Variants in ZBTB16 observed in about 807,000 individuals in gnomAD.
The protein encoded by ZBTB16 is zinc finger and BTB domain-containing protein 16.
A neutral mutation model predicts 56.8 loss-of-function variants in ZBTB16; 8 were observed. The ratio of observed to expected loss-of-function variants is 0.14; its 90% CI spans 0.08 to 0.25. ZBTB16 has a LOEUF of 0.25. ZBTB16 is among the 10% of genes least tolerant of loss of function. The probability of loss-of-function intolerance (pLI) is 1.00; values close to 1 mark genes in which losing one functional copy is unlikely to be tolerated. For missense variants in ZBTB16, 625 were observed against 903.0 expected (o/e 0.69, Z 3.95); for synonymous variants, 363 against 368.5 (o/e 0.98, Z 0.17).
In ZBTB16 at chr11:114,127,483, C is replaced by T. The variant is rs116347147; in HGVS notation, c.1269-28854C>T. 1.6e-3 allele frequency among the ~76,000 whole-genome samples: 245 copies of T among 152,304 alleles called. 1 individual carries two copies. The highest frequency in any genetic ancestry group is 5.5e-3 in the African/African-American group (230 of 41,564). On this transcript the variant is annotated intron_variant, in intron 2 of 6. Transcript: ENST00000335953. ...GTAATGGTCTGATGTCCCTCACACT[C>T]CCCACCCCAGTACACACACACACAT... is the stretch of plus-strand genomic sequence containing the variant.
intron 4 of ZBTB16, among the ~76,000 whole-genome samples, chr11:114,191,066 C>A (rs1040802450): frequency 2.6e-5 from 4 of 152,074 alleles, no homozygotes; most frequent in African/African-American, 9.7e-5. Context: ...TTTAAATGAC[C>A]AGTTATCTAA....
At chr11:114,159,694 C>G (rs1457532363) in intron 3 of ZBTB16, among the ~76,000 whole-genome samples, 1 of 152,038 alleles carries the variant, frequency 6.6e-6, no homozygotes, top group African/African-American at 2.4e-5. Flanking sequence ...CTTACAGATT[C>G]CAGTAGTGGT....
At chr11:114,123,525 G>A (rs2137809262) in intron 2 of ZBTB16, among the ~76,000 whole-genome samples, 1 of 152,160 alleles carries the variant, frequency 6.6e-6, no homozygotes, top group Non-Finnish European at 1.5e-5. Flanking sequence ...ATGTATGTAT[G>A]CACATGTCTG....
intron 4 of ZBTB16, among the ~76,000 whole-genome samples, chr11:114,236,484 G>A (rs1278331009): frequency 6.6e-6 from 1 of 152,132 alleles, no homozygotes; most frequent in African/African-American, 2.4e-5. Context: ...GCTCAGACAT[G>A]GAGTGACAAC....
intron 4 of ZBTB16, among the ~76,000 whole-genome samples, chr11:114,217,132 A>C (rs1395424921): frequency 6.6e-6 from 1 of 152,220 alleles, no homozygotes; most frequent in Admixed American, 6.5e-5. Context: ...CTGTGGCCTG[A>C]GTAGCTCAGC....
chr11:114,092,244 C>T (rs572479270), intron 2 of ZBTB16, among the ~76,000 whole-genome samples: 11 of 152,284 alleles, frequency 7.2e-5, no homozygotes, highest in African/African-American at 2.2e-4. Context: ...TGGGGGCACC[C>T]GGAGCACTGA....
chr11:114,082,446 C>T (rs940795019), intron 2 of ZBTB16, among the ~76,000 whole-genome samples: 88 of 152,206 alleles, frequency 5.8e-4, no homozygotes, highest in African/African-American at 2.0e-3. Flanking sequence ...AATATAACTG[C>T]TGTTTGTTTT....
At position 114,063,189 on chromosome 11, in the gene ZBTB16, C is replaced by A; in HGVS notation, c.-90-22C>A. On this transcript the variant is annotated intron_variant, in intron 1 of 6. Coordinates refer to ENST00000335953, the MANE Select transcript of ZBTB16 (RefSeq NM_006006.6). This position sits in a 1 kb window ranked among gnomAD's most constrained non-coding sequence, Gnocchi z 6.5. ...TTTTGTTCTCTCATCTCTTTTGCTT[C>A]TTCCCCTCTTCTTTCTCCTAGCCTC... The A allele has an allele frequency of 2.5e-6, 3 of 1,218,028 alleles. No homozygotes were observed. The highest frequency in any genetic ancestry group is 2.6e-5 in the South Asian group (2 of 76,952). 75.5% of individuals were successfully genotyped at this position (1,218,028 alleles called of 1,614,324 possible).
At position 114,252,219 on chromosome 11, in the gene ZBTB16, G is replaced by C. The variant is rs141605916; in HGVS notation, c.*1664G>C. The stretch of plus-strand genomic sequence containing the variant: ...ATGAAGTCACCTGTGGCCACCATCC[G>C]TTCCGCCTAAAACACTCTGGAGAGA... On this transcript the variant is annotated 3_prime_UTR_variant, in exon 7 of 7. Transcript: ENST00000335953. Among the ~76,000 whole-genome samples, 1 of 152,088 alleles carries C rather than the reference G, an allele frequency of 6.6e-6. No homozygotes were observed. Among genetic ancestry groups the C allele is most frequent in the East Asian group, 1.9e-4 (1 of 5,186 alleles).
chr11:114,104,614 G>A (rs1358222378), intron 2 of ZBTB16, among the ~76,000 whole-genome samples: 7 of 152,186 alleles, frequency 4.6e-5, no homozygotes. Context: ...ATTCAGTGAA[G>A]GGATGGACCT....
intron 4 of ZBTB16, among the ~76,000 whole-genome samples, chr11:114,204,834 TA>T (rs1943819608): frequency 6.6e-6 from 1 of 152,188 alleles, no homozygotes; most frequent in African/African-American, 2.4e-5. Context: ...TCAGTCTTCT[TA>T]GAAACTGTTT....
At chr11:114,228,638 C>T (rs1245224547) in intron 4 of ZBTB16, among the ~76,000 whole-genome samples, 2 of 152,130 alleles carry the variant, frequency 1.3e-5, no homozygotes, top group Admixed American at 6.6e-5. Flanking sequence ...CGTGTTGATA[C>T]GTAGGATGTC....
intron 2 of ZBTB16, among the ~76,000 whole-genome samples, chr11:114,117,806 A>G (rs770849099): frequency 6.6e-5 from 10 of 152,260 alleles, no homozygotes; most frequent in Non-Finnish European, 1.0e-4. Context: ...AGCATGAACA[A>G]GAATGAGAAG....
intron 4 of ZBTB16, among the ~76,000 whole-genome samples, chr11:114,198,600 C>A (rs1943658913): frequency 6.6e-6 from 1 of 152,148 alleles, no homozygotes; most frequent in Non-Finnish European, 1.5e-5. Flanking sequence ...TTTTTAAGAG[C>A]AGCTTTAGGT....
At chr11:114,154,710 CCCTACAGTGTCAT>C (rs1180697893) in intron 2 of ZBTB16, among the ~76,000 whole-genome samples, 1 of 152,082 alleles carries the variant, frequency 6.6e-6, no homozygotes, top group Admixed American at 6.5e-5. Flanking sequence ...GGGGTGGTAC[CCCTACAGTGTCAT>C]AGATAAGGGT....
At chr11:114,177,163 T>C (rs141123452) in intron 3 of ZBTB16, among the ~76,000 whole-genome samples, 1,547 of 152,286 alleles carry the variant, frequency 0.01, 16 homozygotes, top group Middle Eastern at 0.017. Context: ...TTCATATAGT[T>C]TCTTGTTTAA....
intron 2 of ZBTB16, among the ~76,000 whole-genome samples, chr11:114,132,439 A>C (rs1313028837): frequency 4.6e-5 from 7 of 152,148 alleles, no homozygotes; most frequent in Non-Finnish European, 8.8e-5. Context: ...TTTGCCTTAC[A>C]ATGTCTGTCA....
rs748980580 is a variant in ZBTB16, at chr11:114,121,812, A to G, written c.1269-34525A>G. The stretch of plus-strand genomic sequence containing the variant: ...TTTCCAAATTCTGAGTCTACTCTCA[A>G]TGCAGGGTCTTCTAGCATAACCTTT... On this transcript the variant is annotated intron_variant, in intron 2 of 6. Transcript: ENST00000335953. 2.6e-5 allele frequency: 12 copies of G among 455,840 alleles called. 2 individuals carry two copies. The highest frequency in any genetic ancestry group is 1.9e-4 in the South Asian group (12 of 64,558). The allele number at this position is 455,840 out of a possible 1,614,324, so 28.2% of individuals were successfully genotyped here. A position where few individuals can be genotyped will look rare whatever the true frequency, so the allele number is the denominator to read the frequency against.
chr11:114,144,299 A>T (rs1335518945), intron 2 of ZBTB16, among the ~76,000 whole-genome samples: 2 of 151,890 alleles, frequency 1.3e-5, no homozygotes, highest in African/African-American at 4.8e-5. Flanking sequence ...TGTCCTTTTC[A>T]CACAAAGCTC....
Sources: gnomAD v4.1 joint callset for allele counts (sites outside exome capture counted in the v4.1 genomes callset) on GRCh38, gnomAD v4.1.1 for gene constraint, Gnocchi (gnomAD v3.1) non-coding constraint, MANE v1.5 for transcripts, NCBI Gene and HGNC (gene_info 2026-07-23, HGNC 2026-07-21) for gene names.